The following RTF2 variants were observed in gnomAD, a reference collection of about 807,000 sequenced individuals.
RTF2 encodes the protein replication termination factor 2.
In RTF2, 18 loss-of-function variants were observed where a neutral mutation model predicts 38.0. The observed-to-expected ratio is 0.47, with a 90% CI of 0.33 to 0.70. The LOEUF is 0.70. Among genes scored for constraint, RTF2 ranks in the 30% least tolerant of loss-of-function variants. The pLI is 0.02. For missense variants in RTF2, 311 were observed against 379.6 expected (o/e 0.82, Z 1.50); for synonymous variants, 126 against 137.1 (o/e 0.92, Z 0.57).
chr20:56,475,194 A>G (rs1982175595), intron 3 of RTF2, among the ~76,000 whole-genome samples: 1 of 152,242 alleles, frequency 6.6e-6, no homozygotes, highest in African/African-American at 2.4e-5. Flanking sequence ...AAAAGTTGAA[A>G]AAACAAGTTT....
chr20:56,491,921 A>G lies in RTF2; in HGVS notation c.477+7732A>G, dbSNP rs1983173012. ...AGAGTTCACATCAAACAGCATTTCC[A>G]TGATTGCCTTGACAGGGGCTTTTAT... On this transcript the variant is annotated intron_variant, in intron 5 of 8. Transcript: ENST00000357348. 11 of 640,874 alleles carry G rather than the reference A, an allele frequency of 1.7e-5. No individual in the cohort carries two copies. In the South Asian group the frequency reaches 1.8e-4, roughly 10 times the overall value. The allele number at this position is 640,874 out of a possible 1,614,324, so 39.7% of individuals were successfully genotyped here. A position where few individuals can be genotyped will look rare whatever the true frequency, so the allele number is the denominator to read the frequency against.
At chr20:56,494,051 A>T (rs760553571) in intron 5 of RTF2, among the ~76,000 whole-genome samples, 4 of 152,014 alleles carry the variant, frequency 2.6e-5, no homozygotes, top group Non-Finnish European at 5.9e-5. Context: ...GTGAATAATG[A>T]TTGTTTCTAC....
intron 2 of RTF2, among the ~76,000 whole-genome samples, chr20:56,474,401 A>C (rs1049864888): frequency 1.3e-5 from 2 of 152,192 alleles, no homozygotes; most frequent in African/African-American, 2.4e-5. Flanking sequence ...GAATTGCTTG[A>C]ATCCGGGAGG....
chr20:56,496,826 T>C (rs1213081392), intron 5 of RTF2: 14 of 1,551,922 alleles, frequency 9.0e-6, no homozygotes, highest in Non-Finnish European at 1.2e-5. Flanking sequence ...ATCTGTTATT[T>C]GGAGGTGCAT....
chr20:56,474,544 T>C (rs1982139233), intron 2 of RTF2, 134 bp from the exon 3 acceptor site: 1 of 556,310 alleles, frequency 1.8e-6, no homozygotes, highest in African/African-American at 1.9e-5. Context: ...CAGGGTTAAA[T>C]TTACTTTTTA....
chr20:56,510,422 G>GT (rs1285945537), intron 5 of RTF2, among the ~76,000 whole-genome samples: 1 of 152,176 alleles, frequency 6.6e-6, no homozygotes, highest in Non-Finnish European at 1.5e-5. Context: ...ATCAGAAGAT[G>GT]TAAAACAGAA....
intron 5 of RTF2, among the ~76,000 whole-genome samples, chr20:56,486,063 C>T (rs1471187442): frequency 2.6e-5 from 4 of 152,148 alleles, no homozygotes. Context: ...AGCGGTGCTG[C>T]TCTGGGGAGG....
intron 5 of RTF2, among the ~76,000 whole-genome samples, chr20:56,489,218 G>GTTTTTTTTTTTT (rs1248222611): frequency 1.3e-5 from 1 of 79,166 alleles, no homozygotes; most frequent in African/African-American, 5.0e-5. Flanking sequence ...ACCATGCCTG[G>GTTTTTTTTTTTT]TTATTTTTTT....
At chr20:56,501,222 A>C (rs550292019) in intron 5 of RTF2, among the ~76,000 whole-genome samples, 255 of 151,916 alleles carry the variant, frequency 1.7e-3, no homozygotes, top group African/African-American at 5.9e-3. Flanking sequence ...TTTCCTTTTA[A>C]GATAATGGTG....
At chr20:56,510,204 A>G (rs981562147) in intron 5 of RTF2, among the ~76,000 whole-genome samples, 2 of 152,256 alleles carry the variant, frequency 1.3e-5, no homozygotes, top group South Asian at 4.1e-4. Context: ...ACTAAAAGCC[A>G]TTGAACTCTA....
chr20:56,470,266 C>A (rs896565952), intron 1 of RTF2, among the ~76,000 whole-genome samples: 1 of 152,012 alleles, frequency 6.6e-6, no homozygotes, highest in Non-Finnish European at 1.5e-5. Flanking sequence ...TTTTCTTGTG[C>A]CCAGGGCTGA....
Position 56,499,752 on chromosome 20 carries a change from T to C in RTF2, c.478-13563T>C, listed in dbSNP as rs181418520. Among the ~76,000 whole-genome samples the C allele has an allele frequency of 4.0e-3, 609 of 152,170 alleles. 4 individuals are homozygous for C. The highest frequency in any genetic ancestry group is 0.014 in the African/African-American group (576 of 41,532). ...TTTCTGTTGTCCTTTTATTTTGTTT[T>C]TTGAGACAGGGTCTCACTCTGTCAC... On this transcript the variant is annotated intron_variant, in intron 5 of 8. Transcript: ENST00000357348.
intron 5 of RTF2, chr20:56,496,699 A>T (rs1983562373): frequency 2.6e-6 from 4 of 1,551,000 alleles, no homozygotes; most frequent in Middle Eastern, 3.3e-4. Context: ...TCTTTGGACC[A>T]CTGAAGCATG....
intron 5 of RTF2, among the ~76,000 whole-genome samples, chr20:56,507,415 G>A (rs1324378077): frequency 2.0e-5 from 3 of 152,188 alleles, no homozygotes; most frequent in African/African-American, 7.2e-5. Flanking sequence ...AGCCATTGAG[G>A]CCCTTGAGGG....
At chr20:56,488,705 C>T (rs76027817) in intron 5 of RTF2, among the ~76,000 whole-genome samples, 340 of 152,366 alleles carry the variant, frequency 2.2e-3, no homozygotes, top group African/African-American at 7.7e-3. Context: ...AGATAAGACA[C>T]AGCATAGGCA....
intron 4 of RTF2, among the ~76,000 whole-genome samples, chr20:56,480,688 A>G (rs1982486563): frequency 6.6e-6 from 1 of 152,146 alleles, no homozygotes; most frequent in South Asian, 2.1e-4. Context: ...TGGACACTTA[A>G]AGGCCATTGT....
At chr20:56,494,165 G>C (rs1176942268) in intron 5 of RTF2, among the ~76,000 whole-genome samples, 6 of 152,204 alleles carry the variant, frequency 3.9e-5, no homozygotes, top group Non-Finnish European at 8.8e-5. Context: ...TGCTGACTCT[G>C]AATGCTGGCC....
chr20:56,495,128 A>G (rs1983429438), intron 5 of RTF2: 3 of 1,003,446 alleles, frequency 3.0e-6, no homozygotes, highest in East Asian at 5.2e-5. Context: ...CTTGCCCACT[A>G]GGATTGAGGC....
chr20:56,494,840 C>T (rs1983406916), intron 5 of RTF2, among the ~76,000 whole-genome samples: 1 of 152,090 alleles, frequency 6.6e-6, no homozygotes, highest in Non-Finnish European at 1.5e-5. Flanking sequence ...GTATTCAAAC[C>T]CAAGGTCTCT....
Sources: gnomAD v4.1 joint callset for allele counts (sites outside exome capture counted in the v4.1 genomes callset) on GRCh38, gnomAD v4.1.1 for gene constraint, MANE v1.5 for transcripts, NCBI Gene and HGNC (gene_info 2026-07-23, HGNC 2026-07-21) for gene names.